Variants in WDFY3 observed in about 807,000 individuals in gnomAD.
The protein encoded by WDFY3 is WD repeat and FYVE domain containing 3, also known as WD repeat and FYVE domain-containing protein 3.
Under a neutral mutation model 409.6 loss-of-function variants are expected in WDFY3, and 66 were observed. The ratio of observed to expected loss-of-function variants is 0.16; its 90% CI spans 0.13 to 0.20. WDFY3 has a LOEUF of 0.20. Ranked by LOEUF, WDFY3 falls within the 10% of genes least tolerant of loss-of-function variation. WDFY3 has a pLI of 1.00. For missense variants in WDFY3, 3,031 were observed against 4,298.1 expected (o/e 0.71, Z 8.24); for synonymous variants, 1,521 against 1,537.1 (o/e 0.99, Z 0.25).
chr4:84,887,964 G>A (rs1764446104), intron 3 of WDFY3, among the ~76,000 whole-genome samples: 1 of 152,130 alleles, frequency 6.6e-6, no homozygotes, highest in African/African-American at 2.4e-5. Flanking sequence ...TGTTTACTTT[G>A]TGTATCTTCC....
intron 2 of WDFY3, among the ~76,000 whole-genome samples, chr4:84,901,869 C>G (rs904851316): frequency 1.3e-5 from 2 of 152,140 alleles, no homozygotes; most frequent in Admixed American, 6.5e-5. Flanking sequence ...TTTTTCTGCA[C>G]GCAGTCTGGC....
At chr4:84,951,787 C>T (rs1773643641) in intron 1 of WDFY3, among the ~76,000 whole-genome samples, 1 of 152,134 alleles carries the variant, frequency 6.6e-6, no homozygotes, top group Non-Finnish European at 1.5e-5. Flanking sequence ...CAGATGACAT[C>T]AGGATAGGCA....
chr4:84,796,369 T>C, intron 19 of WDFY3, 152 bp downstream of exon 19: 1 of 470,522 alleles, frequency 2.1e-6, no homozygotes, highest in Non-Finnish European at 3.5e-6. Flanking sequence ...GTAGTAATCT[T>C]AAAATAGCAT....
At chr4:84,814,788 A>T (rs890139877) in intron 13 of WDFY3, among the ~76,000 whole-genome samples, 4 of 152,146 alleles carry the variant, frequency 2.6e-5, no homozygotes, top group Non-Finnish European at 2.9e-5. Flanking sequence ...TGCCTAATTT[A>T]TAAATTAAAT....
rs544675881 is a variant in WDFY3 at position 84,821,933 on chromosome 4, G to A, written c.1124-382C>T. 5.1e-4 allele frequency among the ~76,000 whole-genome samples: 77 copies of A among 152,184 alleles called. 1 individual carries two copies. The South Asian group carries it at 0.015, about 30-fold the overall frequency. On this transcript the variant is annotated intron_variant, in intron 10 of 67. Coordinates refer to ENST00000295888, the MANE Select transcript of WDFY3 (RefSeq NM_014991.6). ...GTCTCTCAATTTAAAAAGACTTTGAGGCTGAAGAAGTTACAGGCCTGAGAG... is the reference window on the plus strand; with the variant it reads ...GTCTCTCAATTTAAAAAGACTTTGAAGCTGAAGAAGTTACAGGCCTGAGAG...
intron 53 of WDFY3, among the ~76,000 whole-genome samples, chr4:84,705,973 T>A (rs1560565428): frequency 6.6e-6 from 1 of 151,302 alleles, no homozygotes; most frequent in African/African-American, 2.4e-5. Context: ...TTCTGAGCAT[T>A]TTCTTCTCAG....
At chr4:84,796,861 T>C in intron 18 of WDFY3, 109 bp from the exon 19 acceptor site, 1 of 861,116 alleles carries the variant, frequency 1.2e-6, no homozygotes, top group South Asian at 1.8e-5. Flanking sequence ...ACAATAATTT[T>C]TTTTTAAGTG....
chr4:84,738,247 T>C (rs1578309038), intron 40 of WDFY3, among the ~76,000 whole-genome samples: 1 of 151,662 alleles, frequency 6.6e-6, no homozygotes, highest in African/African-American at 2.4e-5. Context: ...AATCAATCCA[T>C]ACAAAGACTT....
At chr4:84,878,619 T>A (rs1339219080) in intron 3 of WDFY3, among the ~76,000 whole-genome samples, 2 of 152,244 alleles carry the variant, frequency 1.3e-5, no homozygotes, top group Admixed American at 1.3e-4. Flanking sequence ...TGGAAAGCTA[T>A]GTATACATAA....
chr4:84,793,698 A>T (rs924161367), intron 21 of WDFY3, among the ~76,000 whole-genome samples: 1 of 152,232 alleles, frequency 6.6e-6, no homozygotes, highest in Non-Finnish European at 1.5e-5. Context: ...TAAAGGGGCA[A>T]ATAAAGCGTC....
intron 61 of WDFY3, among the ~76,000 whole-genome samples, chr4:84,688,468 G>A (rs1728693749): frequency 6.6e-6 from 1 of 152,272 alleles, no homozygotes; most frequent in South Asian, 2.1e-4. Flanking sequence ...CACGGGGGTA[G>A]AGAGAAGCCT....
chr4:84,762,469 G>A lies in WDFY3; in HGVS notation c.5188+3341C>T, dbSNP rs530297686. 1.4e-4 allele frequency among the ~76,000 whole-genome samples: 17 copies of A among 122,894 alleles called. No individual in the cohort carries two copies. The East Asian group carries it at 3.3e-3, about 24-fold the overall frequency. The allele number at this position is 122,894 out of a possible 152,430, so 80.6% of individuals were successfully genotyped here. On this transcript the variant is annotated intron_variant, in intron 32 of 67. Transcript: ENST00000295888. ...CACACTCTGGGGACTGTTCTGGGGT[G>A]GGGGGAGGGGGGAGGGATAGCATTG... is the stretch of plus-strand genomic sequence containing the variant.
intron 2 of WDFY3, among the ~76,000 whole-genome samples, chr4:84,905,414 C>T (rs1346266422): frequency 1.3e-5 from 2 of 152,136 alleles, no homozygotes; most frequent in Non-Finnish European, 2.9e-5. Context: ...TACTGTCATC[C>T]AACCAACTGC....
chr4:84,700,927 T>C (rs905489733), intron 56 of WDFY3, among the ~76,000 whole-genome samples: 2 of 152,024 alleles, frequency 1.3e-5, no homozygotes, highest in African/African-American at 2.4e-5. Flanking sequence ...CTAGGCAACA[T>C]GGGGAAACCC....
At chr4:84,751,356 A>C in intron 36 of WDFY3, 127 bp downstream of exon 36, 1 of 980,610 alleles carries the variant, frequency 1.0e-6, no homozygotes, top group Admixed American at 2.2e-5. Flanking sequence ...TCCACAGCCT[A>C]TAACATGTTC....
chr4:84,722,197 G>A (rs1162351846), intron 46 of WDFY3, among the ~76,000 whole-genome samples: 2 of 152,058 alleles, frequency 1.3e-5, no homozygotes, highest in Non-Finnish European at 2.9e-5. Context: ...AGACTAGCCT[G>A]GGCAACATGG....
Position 84,724,313 on chromosome 4 carries a change from T to C in WDFY3, c.7441+113A>G, listed in dbSNP as rs149688343. The C allele has an allele frequency of 5.3e-4, 646 of 1,212,056 alleles. 3 individuals are homozygous for C. The African/African-American group carries it at 8.7e-3, about 16-fold the overall frequency. 75.1% of individuals were successfully genotyped at this position (1,212,056 alleles called of 1,614,324 possible). On this transcript the variant is annotated intron_variant, in intron 46 of 67. Coordinates refer to ENST00000295888, the MANE Select transcript of WDFY3 (RefSeq NM_014991.6). ...GAAGGGTGAGATGGTAAAATGTGTA[T>C]GGATATTTTTAAAGTTGGCCCTACT... is the stretch of plus-strand genomic sequence containing the variant.
intron 2 of WDFY3, among the ~76,000 whole-genome samples, chr4:84,901,475 G>A (rs1247168602): frequency 6.6e-6 from 1 of 152,194 alleles, no homozygotes; most frequent in Admixed American, 6.5e-5. Context: ...GCCCCCACCA[G>A]AGGGAGTTTC....
At chr4:84,738,874 T>C in intron 40 of WDFY3, 136 bp downstream of exon 40, 1 of 712,990 alleles carries the variant, frequency 1.4e-6, no homozygotes, top group South Asian at 1.8e-5. Flanking sequence ...ATGAGGAGAC[T>C]CTTTATGTAT....
Sources: allele counts gnomAD v4.1 joint callset (sites outside exome capture counted in the v4.1 genomes callset), GRCh38; gene constraint gnomAD v4.1.1; transcripts MANE v1.5; gene names NCBI Gene and HGNC (gene_info 2026-07-23, HGNC 2026-07-21).